Variants in MYT1 observed in about 807,000 individuals in gnomAD.
MYT1 encodes the protein myelin transcription factor 1.
Under a neutral mutation model 123.0 loss-of-function variants are expected in MYT1, and 23 were observed. The ratio of observed to expected loss-of-function variants is 0.19; its 90% confidence interval spans 0.13 to 0.26. The LOEUF (loss-of-function observed/expected upper bound fraction) is 0.26, where lower values mean the gene tolerates loss of function less well. Among genes scored for constraint, MYT1 ranks in the 10% least tolerant of loss-of-function variants. MYT1 has a pLI of 1.00. For missense variants in MYT1, 1,125 were observed against 1,472.5 expected, an observed-to-expected ratio of 0.76 and a Z score of 3.86; for synonymous variants, 518 against 575.3, an observed-to-expected ratio of 0.90 and a Z score of 1.43.
In MYT1 at chr20:64,168,528, C is replaced by T. The variant is rs2145686111; in HGVS notation, c.-99+3789C>T. Among the ~76,000 whole-genome samples the T allele has an allele frequency of 6.6e-6, 1 of 152,310 alleles. No individual in the cohort carries two copies. The highest frequency in any genetic ancestry group is 2.4e-5 in the African/African-American group (1 of 41,584). On this transcript the variant is annotated intron_variant, in intron 1 of 22. Transcript: ENST00000328439. The surrounding 1 kb of genome is among the most constrained non-coding windows in gnomAD (Gnocchi z 6.1). ...ATCTGCCTTGGCCAGGATTGGAGTC[C>T]AGGCCTTGCAGAGGAGAGAGGATGT...
chr20:64,211,147 C>T, intron 7 of MYT1, 59 bp from the exon 8 acceptor site: 7 of 1,567,114 alleles, frequency 4.5e-6, no homozygotes, highest in Admixed American at 1.7e-5. Context: ...CTACCCCTGC[C>T]CCCTCTCTGC....
At position 64,212,055 on chromosome 20, in the gene MYT1, C is replaced by G. The variant is rs886614964; in HGVS notation, c.1434C>G (p.Ala478=). 6.2e-6 allele frequency: 10 copies of G among 1,613,474 alleles called. No individual in the cohort carries two copies. The highest frequency in any genetic ancestry group is 7.6e-6 in the Non-Finnish European group (9 of 1,179,686). The change falls in exon 9 of 23, where the codon GCC becomes GCG. Residue 478 remains alanine, a synonymous_variant. Coordinates refer to ENST00000328439, the MANE Select transcript of MYT1 (RefSeq NM_004535.3). The surrounding 1 kb of genome is among the most constrained non-coding windows in gnomAD (Gnocchi z 6.8). Reference sequence around the variant, plus strand: ...CCCCCTGTTCTCTTACAGTCTTAGCCATGCATGAGAACGTGCTGAAGTGCC... The same window carrying G: ...CCCCCTGTTCTCTTACAGTCTTAGCGATGCATGAGAACGTGCTGAAGTGCC... ...HKDRIPPEIL[A]MHENVLKCPT...
rs888170994 is a variant in MYT1 at position 64,191,272 on chromosome 20, C to T, written c.-1+1112C>T. Among the ~76,000 whole-genome samples the T allele has an allele frequency of 1.3e-5, 2 of 152,138 alleles. No individual in the cohort carries two copies. The highest frequency in any genetic ancestry group is 2.9e-5 in the Non-Finnish European group (2 of 68,034). ...AGGGTATAAGATCTCCCTTCGGGGA[C>T]ACTCCCGAACTGTGACATCACATGT... On this transcript the variant is annotated intron_variant, in intron 2 of 22. Transcript: ENST00000328439. This position sits in a 1 kb window ranked among gnomAD's most constrained non-coding sequence, Gnocchi z 4.1.
intron 2 of MYT1, among the ~76,000 whole-genome samples, chr20:64,194,156 A>G (rs1983040326): frequency 6.6e-6 from 1 of 152,222 alleles, no homozygotes; most frequent in South Asian, 2.1e-4. Flanking sequence ...GAGGAGAGAC[A>G]ATGACCTTAC....
At chr20:64,182,457 C>T (rs892238003) in intron 1 of MYT1, among the ~76,000 whole-genome samples, 8 of 152,244 alleles carry the variant, frequency 5.3e-5, no homozygotes, top group Admixed American at 3.9e-4. Context: ...TAGCACTGGC[C>T]GAGGTGGGAG....
Position 64,205,041 on chromosome 20 carries a change from C to T in MYT1, c.93C>T (p.Pro31=). 6.2e-7 allele frequency: 1 copy of T among 1,614,066 alleles called. No individual in the cohort carries two copies. The highest frequency in any genetic ancestry group is 1.1e-5 in the South Asian group (1 of 91,084). Residue 31 remains proline (P), a synonymous_variant, in exon 5 of 23, where the codon CCC becomes CCT. Transcript: ENST00000328439. ...PETTAADLSC[P]TPGCTGSGHV... is the part of the protein sequence containing the mutation. Reference sequence around the variant, plus strand: ...CCTTTTTATTTCCCCTCAGCTGCCCCACCCCAGGATGCACAGGCTCAGGGC... The same window carrying T: ...CCTTTTTATTTCCCCTCAGCTGCCCTACCCCAGGATGCACAGGCTCAGGGC...
rs937908061 is a variant in MYT1, at chr20:64,202,635, G to A, written c.87-2400G>A. On this transcript the variant is annotated intron_variant, in intron 4 of 22. Transcript: ENST00000328439. This position sits in a 1 kb window ranked among gnomAD's most constrained non-coding sequence, Gnocchi z 5.0. Reference sequence around the variant, plus strand: ...GGGAAGGCAGTGTCTTCAAAGGCTAGTAGCTGAAGCATGGGGCTCCAGGCT... The same window carrying A: ...GGGAAGGCAGTGTCTTCAAAGGCTAATAGCTGAAGCATGGGGCTCCAGGCT... Among the ~76,000 whole-genome samples, 40 of 152,126 alleles carry A rather than the reference G, an allele frequency of 2.6e-4. No individual in the cohort carries two copies. Among genetic ancestry groups the A allele is most frequent in the Non-Finnish European group, 4.9e-4 (33 of 68,022 alleles).
At chr20:64,179,651 G>A (rs1200162821) in intron 1 of MYT1, among the ~76,000 whole-genome samples, 1 of 151,920 alleles carries the variant, frequency 6.6e-6, no homozygotes, top group African/African-American at 2.4e-5. Context: ...CTGCAGCCTC[G>A]GTCCAGCTCC....
intron 1 of MYT1, among the ~76,000 whole-genome samples, chr20:64,170,898 G>GAGAGAGAGAGAGAC (rs1982252041): frequency 1.0e-5 from 1 of 98,244 alleles, no homozygotes; most frequent in Non-Finnish European, 2.0e-5. Flanking sequence ...GAGAGAGAGA[G>GAGAGAGAGAGAGAC]AGAGAGAGAG....
chr20:64,170,923 A>AC (rs1569303890), intron 1 of MYT1, among the ~76,000 whole-genome samples: 13 of 138,292 alleles, frequency 9.4e-5, no homozygotes, highest in African/African-American at 3.3e-4. Flanking sequence ...AGAGAGAGAG[A>AC]GAGAGAGAGA....
chr20:64,198,095 C>G (rs1983178107), intron 2 of MYT1, among the ~76,000 whole-genome samples: 1 of 151,882 alleles, frequency 6.6e-6, no homozygotes, highest in Non-Finnish European at 1.5e-5. Flanking sequence ...ACCGTCCTGG[C>G]TAACACGGTG....
rs1273642533 is a variant in MYT1, at chr20:64,196,614, A to G, written c.1-2248A>G. On this transcript the variant is annotated intron_variant, in intron 2 of 22. Coordinates refer to ENST00000328439, the MANE Select transcript of MYT1 (RefSeq NM_004535.3). The surrounding 1 kb of genome is among the most constrained non-coding windows in gnomAD (Gnocchi z 4.3). ...TAGTTCAGTTTTTTTCCCTTTAAAA[A>G]TCAAAGCTACACGCTCCTAAGAGAA... Among the ~76,000 whole-genome samples, 2 of 152,158 alleles carry G rather than the reference A, an allele frequency of 1.3e-5. No homozygotes were observed. The highest frequency in any genetic ancestry group is 4.8e-5 in the African/African-American group (2 of 41,448).
intron 21 of MYT1, among the ~76,000 whole-genome samples, chr20:64,237,826 C>G (rs1263978260): frequency 6.6e-6 from 1 of 152,142 alleles, no homozygotes; most frequent in Non-Finnish European, 1.5e-5. Context: ...GTTTCCTTCC[C>G]AGCACCCAGC....
Position 64,218,082 on chromosome 20 carries a change from G to A in MYT1, c.1846+801G>A, listed in dbSNP as rs1983894122. On this transcript the variant is annotated intron_variant, in intron 11 of 22. Coordinates refer to ENST00000328439, the MANE Select transcript of MYT1 (RefSeq NM_004535.3). The surrounding 1 kb of genome is among the most constrained non-coding windows in gnomAD (Gnocchi z 4.0). ...GAATAATAAAAGTACTGATTGATGC[G>A]GCTGCCAGTGGGGTGTGAGCCTCTC... Among the ~76,000 whole-genome samples, 1 of 152,200 alleles carries A rather than the reference G, an allele frequency of 6.6e-6. No individual in the cohort carries two copies. Among genetic ancestry groups the A allele is most frequent in the Admixed American group, 6.5e-5 (1 of 15,286 alleles).
intron 11 of MYT1, 69 bp downstream of exon 11, chr20:64,217,350 A>C (rs1983868684): frequency 1.3e-6 from 2 of 1,533,760 alleles, no homozygotes. Flanking sequence ...TTCAAGGGGC[A>C]GTGGAGGAGG....
chr20:64,202,645 C>T lies in MYT1; in HGVS notation c.87-2390C>T, dbSNP rs975254985. Among the ~76,000 whole-genome samples the T allele has an allele frequency of 2.0e-5, 3 of 152,140 alleles. No homozygotes were observed. Among genetic ancestry groups the T allele is most frequent in the African/African-American group, 7.2e-5 (3 of 41,434 alleles). ...TGTCTTCAAAGGCTAGTAGCTGAAG[C>T]ATGGGGCTCCAGGCTGGGATTCAGT... On this transcript the variant is annotated intron_variant, in intron 4 of 22. Coordinates refer to ENST00000328439, the MANE Select transcript of MYT1 (RefSeq NM_004535.3). The surrounding 1 kb of genome is among the most constrained non-coding windows in gnomAD (Gnocchi z 5.0).
Position 64,192,288 on chromosome 20 carries a change from G to T in MYT1, c.-1+2128G>T, listed in dbSNP as rs943383945. Reference sequence around the variant, plus strand: ...CTGAATAGAGAAGCTAAGATGAAAAGTGTGCCAGAGAAGGCGAGAGGATGA... The same window carrying T: ...CTGAATAGAGAAGCTAAGATGAAAATTGTGCCAGAGAAGGCGAGAGGATGA... On this transcript the variant is annotated intron_variant, in intron 2 of 22. Transcript: ENST00000328439. The surrounding 1 kb of genome is among the most constrained non-coding windows in gnomAD (Gnocchi z 5.3). 1.3e-5 allele frequency among the ~76,000 whole-genome samples: 2 copies of T among 152,250 alleles called. No homozygotes were observed. Among genetic ancestry groups the T allele is most frequent in the African/African-American group, 4.8e-5 (2 of 41,472 alleles).
At position 64,179,979 on chromosome 20, in the gene MYT1, T is replaced by C. The variant is rs566862361; in HGVS notation, c.-98-10084T>C. 1.0e-4 allele frequency among the ~76,000 whole-genome samples: 15 copies of C among 145,132 alleles called. No homozygotes were observed. In the East Asian group the frequency reaches 3.1e-3, roughly 30 times the overall value. On this transcript the variant is annotated intron_variant, in intron 1 of 22. Transcript: ENST00000328439. ...TGCACACAGTTACACACTCACATGC[T>C]ACACACAGTTACACACATACGCCAC... is the stretch of plus-strand genomic sequence containing the variant.
intron 6 of MYT1, among the ~76,000 whole-genome samples, chr20:64,207,296 G>A (rs376231024): frequency 4.6e-5 from 7 of 152,204 alleles, no homozygotes; most frequent in African/African-American, 7.2e-5. Flanking sequence ...GAAAGTAAAC[G>A]TGATGGGAGA....
Sources: gnomAD v4.1 joint callset for allele counts (sites outside exome capture counted in the v4.1 genomes callset) on GRCh38, gnomAD v4.1.1 for gene constraint, Gnocchi (gnomAD v3.1) non-coding constraint, MANE v1.5 for transcripts, NCBI Gene and HGNC (gene_info 2026-07-23, HGNC 2026-07-21) for gene names.